Variants in GRB10 observed in about 807,000 individuals in gnomAD.
GRB10 encodes the protein growth factor receptor bound protein 10, also known as growth factor receptor-bound protein 10.
In GRB10, 20 loss-of-function variants were observed where a neutral mutation model predicts 80.9. The ratio of observed to expected loss-of-function variants is 0.25; its 90% confidence interval spans 0.17 to 0.36. The LOEUF is 0.36. Among genes scored for constraint, GRB10 ranks in the 10% least tolerant of loss-of-function variants. The probability of loss-of-function intolerance (pLI) is 1.00; values close to 1 mark genes in which losing one functional copy is unlikely to be tolerated. For missense variants in GRB10, 548 were observed against 747.7 expected (o/e 0.73, Z 3.12); for synonymous variants, 291 against 291.5 (o/e 1.00, Z 0.02).
At chr7:50,662,434 A>T (rs945536023) in intron 7 of GRB10, among the ~76,000 whole-genome samples, 2 of 152,180 alleles carry the variant, frequency 1.3e-5, no homozygotes, top group African/African-American at 4.8e-5. Context: ...ATCTCCTTTC[A>T]GCAGCAAATG....
chr7:50,598,901 G>C (rs2047100448), intron 17 of GRB10, among the ~76,000 whole-genome samples: 1 of 151,444 alleles, frequency 6.6e-6, no homozygotes, highest in Non-Finnish European at 1.5e-5. Context: ...AGGGATCGAT[G>C]CCTGGCACAG....
chr7:50,787,820 T>C (rs1487125483), upstream of GRB10, among the ~76,000 whole-genome samples: 1 of 152,190 alleles, frequency 6.6e-6, no homozygotes. Flanking sequence ...TGCGGTACCC[T>C]AGAACAGACA....
intron 7 of GRB10, among the ~76,000 whole-genome samples, chr7:50,664,885 A>G (rs567727289): frequency 6.6e-6 from 1 of 152,374 alleles, no homozygotes; most frequent in South Asian, 2.1e-4. Flanking sequence ...ACAAATATCC[A>G]GTTTCCTGAA....
chr7:50,721,379 T>C (rs1249531329), intron 4 of GRB10, among the ~76,000 whole-genome samples: 1 of 152,200 alleles, frequency 6.6e-6, no homozygotes, highest in Non-Finnish European at 1.5e-5. Context: ...TGCCTGCCCA[T>C]GAGTCACAGA....
At position 50,755,989 on chromosome 7, in the gene GRB10, T is replaced by A; in HGVS notation, c.-149A>T. 1 of 398,856 alleles carries A rather than the reference T, an allele frequency of 2.5e-6. No individual in the cohort carries two copies. The highest frequency in any genetic ancestry group is 1.3e-4 in the South Asian group (1 of 7,860). 24.7% of individuals were successfully genotyped at this position (398,856 alleles called of 1,614,324 possible). A position where few individuals can be genotyped will look rare whatever the true frequency, so the allele number is the denominator to read the frequency against. ...TGGCTGCCGGTCACTGGGCTGCTGG[T>A]CACTGAGCTACCAGTCACTGGGCCT... On this transcript the variant is annotated 5_prime_UTR_variant, in exon 3 of 19. Coordinates refer to ENST00000401949, the MANE Select transcript of GRB10 (RefSeq NM_001350814.2).
At chr7:50,693,749 G>C (rs908477223) in intron 5 of GRB10, among the ~76,000 whole-genome samples, 4 of 151,990 alleles carry the variant, frequency 2.6e-5, no homozygotes, top group Non-Finnish European at 5.9e-5. Flanking sequence ...TGCAGGCATG[G>C]GATTGGGGCG....
intron 6 of GRB10, among the ~76,000 whole-genome samples, chr7:50,671,164 G>A (rs985388457): frequency 2.6e-5 from 4 of 152,122 alleles, no homozygotes; most frequent in Non-Finnish European, 5.9e-5. Context: ...CTGAGGCCAC[G>A]CGGCCCTGTC....
Position 50,772,278 on chromosome 7 carries a change from A to T in GRB10, c.-217+8349T>A, listed in dbSNP as rs148166203. On this transcript the variant is annotated intron_variant, in intron 2 of 18. Transcript: ENST00000401949. ...GGAAAGAAAGGTGAACTGACGCCAC[A>T]CTATAACATAAAACAAAATCATGTT... is the stretch of plus-strand genomic sequence containing the variant. Among the ~76,000 whole-genome samples the T allele has an allele frequency of 2.6e-3, 403 of 152,346 alleles. 5 individuals carry two copies. Among genetic ancestry groups the T allele is most frequent in the African/African-American group, 9.1e-3 (379 of 41,576 alleles).
chr7:50,793,345 C>T (rs1305333542), exon 1 of GRB10: 1 of 147,218 alleles, frequency 6.8e-6, no homozygotes, highest in African/African-American at 2.4e-5. Context: ...GCGCCCCGCG[C>T]CGCCGGCGCT....
At chr7:50,713,578 C>A (rs1026426011) in intron 4 of GRB10, among the ~76,000 whole-genome samples, 54 of 104,550 alleles carry the variant, frequency 5.2e-4, no homozygotes, top group African/African-American at 1.9e-3. Flanking sequence ...CATCTCCATC[C>A]TCACCTCCAC....
intron 4 of GRB10, among the ~76,000 whole-genome samples, chr7:50,714,668 A>AC (rs1045351771): frequency 2.6e-5 from 4 of 151,606 alleles, no homozygotes; most frequent in Non-Finnish European, 5.9e-5. Flanking sequence ...GTCTCAAAAA[A>AC]AAAAACAAAA....
intron 7 of GRB10, among the ~76,000 whole-genome samples, chr7:50,659,680 T>C (rs901370977): frequency 6.6e-6 from 1 of 152,238 alleles, no homozygotes; most frequent in Non-Finnish European, 1.5e-5. Context: ...CATCTCTGTC[T>C]AGAGCCTGTC....
intron 4 of GRB10, among the ~76,000 whole-genome samples, chr7:50,714,993 A>G (rs2066619630): frequency 6.6e-6 from 1 of 152,034 alleles, no homozygotes; most frequent in East Asian, 1.9e-4. Context: ...CAGAATTTGG[A>G]AATAACTCTC....
rs59156883 is a variant in GRB10, at chr7:50,719,020, T to C, written c.51+13252A>G. Among the ~76,000 whole-genome samples the C allele has an allele frequency of 3.2e-3, 491 of 152,322 alleles. 1 individual carries two copies. Among genetic ancestry groups the C allele is most frequent in the African/African-American group, 0.011 (468 of 41,580 alleles). On this transcript the variant is annotated intron_variant, in intron 4 of 18. Transcript: ENST00000401949. The stretch of plus-strand genomic sequence containing the variant: ...ACAAATATTTACCAAGCAATTACTC[T>C]ATGCCCAGCACATGAGTGTTTAAAG...
intron 7 of GRB10, among the ~76,000 whole-genome samples, chr7:50,654,532 C>T (rs1345297842): frequency 1.3e-5 from 2 of 152,186 alleles, no homozygotes; most frequent in Non-Finnish European, 2.9e-5. Flanking sequence ...AAAGAGCTCA[C>T]TGCAGCATCA....
chr7:50,711,056 A>C (rs2065818950), intron 4 of GRB10: 1 of 714,674 alleles, frequency 1.4e-6, no homozygotes, highest in African/African-American at 1.7e-5. Context: ...AATGCCACAG[A>C]GAGCAGAATG....
At chr7:50,702,788 C>T (rs1303399833) in intron 5 of GRB10, among the ~76,000 whole-genome samples, 7 of 152,276 alleles carry the variant, frequency 4.6e-5, no homozygotes, top group African/African-American at 1.7e-4. Context: ...TTTGAGTGTA[C>T]AATTTAAAGA....
At chr7:50,741,129 T>A (rs1349452711) in intron 3 of GRB10, among the ~76,000 whole-genome samples, 1 of 152,132 alleles carries the variant, frequency 6.6e-6, no homozygotes, top group Non-Finnish European at 1.5e-5. Flanking sequence ...AATAAAAAGT[T>A]TACATTAAAA....
intron 7 of GRB10, among the ~76,000 whole-genome samples, chr7:50,640,747 T>A (rs1439656533): frequency 6.6e-6 from 1 of 152,222 alleles, no homozygotes; most frequent in Non-Finnish European, 1.5e-5. Flanking sequence ...ACTGACCTCA[T>A]CCATGATATC....
Sources: allele counts gnomAD v4.1 joint callset (sites outside exome capture counted in the v4.1 genomes callset), GRCh38; gene constraint gnomAD v4.1.1; transcripts MANE v1.5; gene names NCBI Gene and HGNC (gene_info 2026-07-23, HGNC 2026-07-21).